XKR6: variants seen among roughly 807,000 people sequenced by gnomAD.
The protein encoded by XKR6 is XK-related protein 6.
A neutral mutation model predicts 56.7 loss-of-function variants in XKR6; 22 were observed. The ratio of observed to expected loss-of-function variants is 0.39; its 90% CI spans 0.28 to 0.55. The LOEUF (loss-of-function observed/expected upper bound fraction) is 0.55. Among genes scored for constraint, XKR6 ranks in the 20% least tolerant of loss-of-function variants. XKR6 has a pLI of 0.66. For missense variants in XKR6, 852 were observed against 889.0 expected (o/e 0.96, Z 0.53); for synonymous variants, 524 against 387.8 (o/e 1.35, Z -4.13).
intron 1 of XKR6, among the ~76,000 whole-genome samples, chr8:11,129,215 C>A (rs370541742): frequency 6.6e-6 from 1 of 152,144 alleles, no homozygotes; most frequent in Non-Finnish European, 1.5e-5. Context: ...TACTCTTACA[C>A]GCCACTGAAT....
intron 1 of XKR6, among the ~76,000 whole-genome samples, chr8:10,961,253 C>T (rs1212897835): frequency 2.6e-5 from 4 of 152,230 alleles, no homozygotes; most frequent in Admixed American, 2.6e-4. Flanking sequence ...GAAGATCCCT[C>T]CGGCTCTAGT....
chr8:11,100,940 G>A (rs951475743), intron 1 of XKR6, among the ~76,000 whole-genome samples: 2 of 152,218 alleles, frequency 1.3e-5, no homozygotes, highest in African/African-American at 4.8e-5. Context: ...GGTGGTGCCG[G>A]AGGAAGTGGT....
At chr8:11,139,672 A>T (rs1020163181) in intron 1 of XKR6, among the ~76,000 whole-genome samples, 1 of 152,224 alleles carries the variant, frequency 6.6e-6, no homozygotes, top group African/African-American at 2.4e-5. Flanking sequence ...AGGGACAAAG[A>T]AAAGGCAGGT....
intron 1 of XKR6, among the ~76,000 whole-genome samples, chr8:10,953,409 C>T (rs1167842510): frequency 6.6e-6 from 1 of 152,172 alleles, no homozygotes; most frequent in Admixed American, 6.5e-5. Context: ...TCCACCATGA[C>T]TGTAAGCTTC....
At chr8:10,976,644 G>A (rs1050202456) in intron 1 of XKR6, among the ~76,000 whole-genome samples, 3 of 152,308 alleles carry the variant, frequency 2.0e-5, no homozygotes, top group Admixed American at 6.5e-5. Flanking sequence ...CAAAGTCCGT[G>A]ATCCAGGAAG....
At chr8:11,076,293 T>C (rs1200235992) in intron 1 of XKR6, among the ~76,000 whole-genome samples, 5 of 152,198 alleles carry the variant, frequency 3.3e-5, no homozygotes, top group Admixed American at 1.3e-4. Context: ...CTGGAGTGGA[T>C]GGTGGTGATG....
intron 1 of XKR6, among the ~76,000 whole-genome samples, chr8:10,975,303 C>G (rs563907468): frequency 3.9e-4 from 59 of 152,328 alleles, no homozygotes; most frequent in African/African-American, 1.3e-3. Flanking sequence ...AGGCTTCGAG[C>G]GACTTCTCCA....
intron 1 of XKR6, among the ~76,000 whole-genome samples, chr8:11,116,263 T>C (rs900549286): frequency 2.0e-5 from 3 of 152,202 alleles, no homozygotes; most frequent in South Asian, 2.1e-4. Flanking sequence ...AATTCATAGA[T>C]ACCCTTTTTC....
intron 1 of XKR6, among the ~76,000 whole-genome samples, chr8:11,135,574 CTGT>C (rs777707641): frequency 6.6e-6 from 1 of 152,042 alleles, no homozygotes; most frequent in Non-Finnish European, 1.5e-5. Flanking sequence ...CTAATTCTTG[CTGT>C]TATCAGATAT....
Position 11,142,151 on chromosome 8 carries a change from G to C in XKR6, c.764+58425C>G, listed in dbSNP as rs541391505. ...CATACATTTCAGCCCTCTCTACTGG[G>C]AAGGCACAGAAGCAATGATAAACCC... is the stretch of plus-strand genomic sequence containing the variant. On this transcript the variant is annotated intron_variant, in intron 1 of 2. Transcript: ENST00000416569. 2.6e-5 allele frequency among the ~76,000 whole-genome samples: 4 copies of C among 152,218 alleles called. No individual in the cohort carries two copies. The South Asian group carries it at 8.3e-4, about 32-fold the overall frequency.
chr8:11,173,152 G>A (rs1375823797), intron 1 of XKR6, among the ~76,000 whole-genome samples: 1 of 151,170 alleles, frequency 6.6e-6, no homozygotes, highest in South Asian at 2.1e-4. Flanking sequence ...TGGCTAACAC[G>A]GTGAAACCCC....
At position 10,904,456 on chromosome 8, in the gene XKR6, A is replaced by C. The variant is rs79275501; in HGVS notation, c.962-5540T>G. Among the ~76,000 whole-genome samples the C allele has an allele frequency of 4.5e-3, 686 of 152,268 alleles. 15 individuals are homozygous for C. Among genetic ancestry groups the C allele is most frequent in the Admixed American group, 0.034 (521 of 15,296 alleles). ...GGGAACGTCCTGTTTTGTGTTTTCA[A>C]TTCCCAGGGGTCATAGCCAGTTGGG... On this transcript the variant is annotated intron_variant, in intron 2 of 2. Coordinates refer to ENST00000416569, the MANE Select transcript of XKR6 (RefSeq NM_173683.4).
At chr8:10,942,832 C>T (rs555702640) in intron 1 of XKR6, among the ~76,000 whole-genome samples, 3 of 152,348 alleles carry the variant, frequency 2.0e-5, no homozygotes, top group East Asian at 3.9e-4. Context: ...TCCTGACTTG[C>T]AGCCACAGCA....
chr8:10,946,551 G>T (rs1422047897), intron 1 of XKR6, among the ~76,000 whole-genome samples: 6 of 151,920 alleles, frequency 3.9e-5, no homozygotes, highest in Admixed American at 2.0e-4. Context: ...GGCGTGTCCT[G>T]CGGTTTTCCC....
rs189846059 is a variant in XKR6 at position 10,997,060 on chromosome 8, A to G, written c.765-72230T>C. On this transcript the variant is annotated intron_variant, in intron 1 of 2. Transcript: ENST00000416569. Reference sequence around the variant, plus strand: ...CAAACACACACACATGTACGCCACAACCTTTCTCATCGTCTGCACCTTCTT... The same window carrying G: ...CAAACACACACACATGTACGCCACAGCCTTTCTCATCGTCTGCACCTTCTT... Among the ~76,000 whole-genome samples the G allele has an allele frequency of 2.0e-3, 310 of 152,268 alleles. 1 individual carries two copies. Among genetic ancestry groups the G allele is most frequent in the African/African-American group, 7.1e-3 (295 of 41,538 alleles).
intron 1 of XKR6, among the ~76,000 whole-genome samples, chr8:11,036,254 T>C (rs893040698): frequency 2.0e-5 from 3 of 152,156 alleles, no homozygotes; most frequent in Non-Finnish European, 4.4e-5. Context: ...AGCCTGGAAG[T>C]TCCTTCTTAC....
intron 1 of XKR6, among the ~76,000 whole-genome samples, chr8:11,092,571 G>C (rs1798109697): frequency 6.6e-6 from 1 of 152,176 alleles, no homozygotes; most frequent in Non-Finnish European, 1.5e-5. Context: ...ATAAAGGTTA[G>C]AAAGAGAAAC....
At chr8:11,049,282 T>G (rs1799485036) in intron 1 of XKR6, among the ~76,000 whole-genome samples, 1 of 152,250 alleles carries the variant, frequency 6.6e-6, no homozygotes, top group Admixed American at 6.5e-5. Flanking sequence ...TTTTAATTCT[T>G]GTTTGGAGAG....
At position 11,149,137 on chromosome 8, in the gene XKR6, C is replaced by T. The variant is rs529039857; in HGVS notation, c.764+51439G>A. ...CCCTAATGTGATGGAATCAGGAGCC[C>T]GTGGGAGGTACAGTCATGTGTCACT... On this transcript the variant is annotated intron_variant, in intron 1 of 2. Transcript: ENST00000416569. 2.6e-5 allele frequency among the ~76,000 whole-genome samples: 4 copies of T among 152,156 alleles called. No homozygotes were observed. In the South Asian group the frequency reaches 6.2e-4, roughly 24 times the overall value.
Sources: allele counts gnomAD v4.1 joint callset (sites outside exome capture counted in the v4.1 genomes callset), GRCh38; gene constraint gnomAD v4.1.1; transcripts MANE v1.5; gene names NCBI Gene and HGNC (gene_info 2026-07-23, HGNC 2026-07-21).